TBC1D24: variants seen among roughly 807,000 people sequenced by gnomAD.
TBC1D24 encodes the protein Infantile myoclonic epilepsy.
A neutral mutation model predicts 50.7 loss-of-function variants in TBC1D24; 47 were observed. The ratio of observed to expected loss-of-function variants is 0.93; its 90% CI spans 0.73 to 1.18. The LOEUF (loss-of-function observed/expected upper bound fraction) is 1.18. Ranked by LOEUF, TBC1D24 falls within the 50% of genes most tolerant of loss-of-function variation. The pLI is 0.00. For missense variants in TBC1D24, 688 were observed against 766.5 expected, an observed-to-expected ratio of 0.90 and a Z score of 1.21; for synonymous variants, 324 against 335.2, an observed-to-expected ratio of 0.97 and a Z score of 0.36.
At chr16:2,491,253 T>G (rs1458297757) in intron 1 of TBC1D24, among the ~76,000 whole-genome samples, 1 of 152,250 alleles carries the variant, frequency 6.6e-6, no homozygotes, top group Non-Finnish European at 1.5e-5. Context: ...TACTCCCTAA[T>G]TTTGGTACTA....
chr16:2,495,177 A>C (rs1234974510), intron 1 of TBC1D24, among the ~76,000 whole-genome samples: 5 of 152,096 alleles, frequency 3.3e-5, no homozygotes, highest in Non-Finnish European at 7.4e-5. Context: ...ACATGGCAAA[A>C]TCTCGTCTCT....
In TBC1D24 at chr16:2,500,082, C is replaced by G; in HGVS notation, c.1302+152C>G. The G allele has an allele frequency of 4.2e-6, 4 of 947,224 alleles. No homozygotes were observed. The highest frequency in any genetic ancestry group is 6.7e-6 in the Non-Finnish European group (4 of 594,046). The allele number at this position is 947,224 out of a possible 1,614,324, so 58.7% of individuals were successfully genotyped here. A position where few individuals can be genotyped will look rare whatever the true frequency, so the allele number is the denominator to read the frequency against. ...CTGTGTGCTTCCGGGTTTGATCATT[C>G]AGCCGTGCGCTGCTCCGGGGCAGGG... On this transcript the variant is annotated intron_variant, in intron 6 of 7. Coordinates refer to ENST00000646147, the MANE Select transcript of TBC1D24 (RefSeq NM_001199107.2). The surrounding 1 kb of genome is among the most constrained non-coding windows in gnomAD (Gnocchi z 8.0).
intron 1 of TBC1D24, among the ~76,000 whole-genome samples, chr16:2,491,152 G>C (rs564778997): frequency 8.5e-4 from 129 of 152,296 alleles, no homozygotes; most frequent in Admixed American, 2.9e-3. Flanking sequence ...AAAAGGTTTG[G>C]CAGGATATAT....
At position 2,483,143 on chromosome 16, in the gene TBC1D24, G is replaced by T. The variant is rs1264753389; in HGVS notation, c.-116+7973G>T. The T allele has an allele frequency of 6.6e-6, 1 of 152,592 alleles. No homozygotes were observed. The highest frequency in any genetic ancestry group is 1.5e-5 in the Non-Finnish European group (1 of 68,332). 9.5% of individuals were successfully genotyped at this position (152,592 alleles called of 1,614,324 possible). On this transcript the variant is annotated intron_variant, in intron 1 of 7. Transcript: ENST00000646147. The surrounding 1 kb of genome is among the most constrained non-coding windows in gnomAD (Gnocchi z 4.0). ...CTGTGGTGGGAATGCAGAGAGCTGG[G>T]AAGCTCACGCCTGACAAGCCCCCTT...
At position 2,500,526 on chromosome 16, in the gene TBC1D24, GT is replaced by G. The variant is rs1290100559; in HGVS notation, c.1525+37del. 1 of 1,533,710 alleles carries G rather than the reference GT, an allele frequency of 6.5e-7. No homozygotes were observed. Among genetic ancestry groups the G allele is most frequent in the Admixed American group, 2.0e-5 (1 of 51,010 alleles). On this transcript the variant is annotated intron_variant, in intron 7 of 7. Transcript: ENST00000646147. This position sits in a 1 kb window ranked among gnomAD's most constrained non-coding sequence, Gnocchi z 8.0. ...GCAGACGGGGCTCTGGGATGAGGGT[GT>G]GGGGTCCGGGCAGCTGAAGCTGCTG...
intron 2 of TBC1D24, among the ~76,000 whole-genome samples, chr16:2,497,481 T>C (rs531435023): frequency 6.6e-6 from 1 of 152,244 alleles, no homozygotes; most frequent in African/African-American, 2.4e-5. Flanking sequence ...GGGCGTGGCC[T>C]CCCCGCCTGG....
chr16:2,497,765 C>T lies in TBC1D24; in HGVS notation c.983+38C>T, dbSNP rs779521083. The T allele has an allele frequency of 1.3e-5, 20 of 1,534,170 alleles. 1 individual carries two copies. The South Asian group carries it at 2.1e-4, about 16-fold the overall frequency. ...CTGTATCTGCACACCTGGCCTCTGT[C>T]TTTCCACCAGGCTGACTCTAGGCCA... is the stretch of plus-strand genomic sequence containing the variant. On this transcript the variant is annotated intron_variant, in intron 3 of 7. Coordinates refer to ENST00000646147, the MANE Select transcript of TBC1D24 (RefSeq NM_001199107.2).
Position 2,501,050 on chromosome 16 carries a change from G to A in TBC1D24, c.*92G>A. On this transcript the variant is annotated 3_prime_UTR_variant, in exon 8 of 8. Coordinates refer to ENST00000646147, the MANE Select transcript of TBC1D24 (RefSeq NM_001199107.2). ...AGCAGAGAGCAGATGAAACCCCCATGTGGTAGGCAGGGTTGGGGGACGGCA... is the reference window on the plus strand; with the variant it reads ...AGCAGAGAGCAGATGAAACCCCCATATGGTAGGCAGGGTTGGGGGACGGCA... The A allele has an allele frequency of 6.5e-7, 1 of 1,530,444 alleles. No individual in the cohort carries two copies. Among genetic ancestry groups the A allele is most frequent in the Non-Finnish European group, 8.9e-7 (1 of 1,128,822 alleles). 94.8% of individuals were successfully genotyped at this position (1,530,444 alleles called of 1,614,324 possible). A position where few individuals can be genotyped will look rare whatever the true frequency, so the allele number is the denominator to read the frequency against.
intron 1 of TBC1D24, chr16:2,478,023 C>T (rs1190353116): frequency 6.6e-6 from 1 of 152,316 alleles, no homozygotes; most frequent in Non-Finnish European, 1.5e-5. Flanking sequence ...AGTTTGAATT[C>T]ACCCTGAGTG....
intron 3 of TBC1D24, among the ~76,000 whole-genome samples, chr16:2,497,992 T>C (rs1440391490): frequency 5.3e-5 from 8 of 152,234 alleles, no homozygotes; most frequent in Non-Finnish European, 1.0e-4. Context: ...CCTGATTTCT[T>C]AGAGAAAAGT....
chr16:2,488,555 A>AGTGCAGT (rs1257197414), intron 1 of TBC1D24, among the ~76,000 whole-genome samples: 1 of 110,690 alleles, frequency 9.0e-6, no homozygotes, highest in Non-Finnish European at 1.6e-5. Context: ...GCCAGGCTGG[A>AGTGCAGT]GTGCAGTGTG....
rs2065747534 is a variant in TBC1D24, at chr16:2,496,905, A to G, written c.757A>G (p.Lys253Glu). Residue 253 changes from lysine (K) to glutamate (E), a missense_variant, in exon 2 of 8, where the codon AAG (lysine) becomes GAG (glutamate). Physicochemically the swap from Lys to Glu is moderately conservative, Grantham distance 56. Transcript: ENST00000646147. ...VALAILKFFHKVRAGQPLESD... is the reference protein window; with the variant it reads ...VALAILKFFHEVRAGQPLESD... ...GCTGGCCATCCTCAAGTTCTTCCAC[A>G]AGGTGAGGGCCGGGCAGCCGCTGGA... 6.2e-7 allele frequency: 1 copy of G among 1,614,042 alleles called. No individual in the cohort carries two copies. Among genetic ancestry groups the G allele is most frequent in the Non-Finnish European group, 8.5e-7 (1 of 1,180,022 alleles).
At position 2,504,782 on chromosome 16, in the gene TBC1D24, C is replaced by T. The variant is rs1391489219; in HGVS notation, c.*3824C>T. 6.6e-6 allele frequency: 1 copy of T among 152,020 alleles called. No individual in the cohort carries two copies. The highest frequency in any genetic ancestry group is 1.5e-5 in the Non-Finnish European group (1 of 68,012). 9.4% of individuals were successfully genotyped at this position (152,020 alleles called of 1,614,324 possible). Reference sequence around the variant, plus strand: ...TTTAATTTTTACAGTTGTTTACTTTCTCACATTTTTACTAAGTCCAGAATA... The same window carrying T: ...TTTAATTTTTACAGTTGTTTACTTTTTCACATTTTTACTAAGTCCAGAATA... On this transcript the variant is annotated 3_prime_UTR_variant, in exon 8 of 8. Transcript: ENST00000646147.
chr16:2,493,096 AAAAT>A (rs1403972137), intron 1 of TBC1D24, among the ~76,000 whole-genome samples: 7 of 151,846 alleles, frequency 4.6e-5, no homozygotes, highest in South Asian at 2.1e-4. Context: ...CTGTCTCAAA[AAAAT>A]AAATAAATAA....
intron 2 of TBC1D24, 140 bp downstream of exon 2, chr16:2,497,253 C>G: frequency 1.7e-6 from 2 of 1,161,548 alleles, no homozygotes; most frequent in Non-Finnish European, 2.5e-6. Context: ...GCTGAAAAGA[C>G]ACTGAAACAG....
chr16:2,489,092 G>T (rs1205806470), intron 1 of TBC1D24, among the ~76,000 whole-genome samples: 2 of 143,204 alleles, frequency 1.4e-5, no homozygotes, highest in African/African-American at 5.2e-5. Flanking sequence ...AAACAAGAAA[G>T]AAATATTTGC....
rs545928224 is a variant in TBC1D24, at chr16:2,486,542, C to G, written c.-115-9492C>G. ...GGTCAGGCCAGGGCAGGATGGGGCC[C>G]AGGCCTGCAACCCCAGCTCTTCAAC... On this transcript the variant is annotated intron_variant, in intron 1 of 7. Transcript: ENST00000646147. This position sits in a 1 kb window ranked among gnomAD's most constrained non-coding sequence, Gnocchi z 5.8. 6.6e-6 allele frequency among the ~76,000 whole-genome samples: 1 copy of G among 152,208 alleles called. No homozygotes were observed. The highest frequency in any genetic ancestry group is 1.5e-5 in the Non-Finnish European group (1 of 68,038).
chr16:2,499,761 C>A lies in TBC1D24; in HGVS notation c.1207-74C>A. The stretch of plus-strand genomic sequence containing the variant: ...ACCCCCACCTGTGACCTGGGACAGG[C>A]CCGTCAGTAGTCTGGAGCACAGGGA... On this transcript the variant is annotated intron_variant, in intron 5 of 7. Transcript: ENST00000646147. This position sits in a 1 kb window ranked among gnomAD's most constrained non-coding sequence, Gnocchi z 4.0. 3 of 1,321,366 alleles carry A rather than the reference C, an allele frequency of 2.3e-6. No individual in the cohort carries two copies. The highest frequency in any genetic ancestry group is 3.3e-6 in the Non-Finnish European group (3 of 913,316). The allele number at this position is 1,321,366 out of a possible 1,614,324, so 81.9% of individuals were successfully genotyped here.
At position 2,504,105 on chromosome 16, in the gene TBC1D24, C is replaced by T. The variant is rs184926956; in HGVS notation, c.*3147C>T. ...TTTTAATTTTTCTATTTTTGTAAGC[C>T]GCATACTTCATTTTTTGAGTTTTTC... On this transcript the variant is annotated 3_prime_UTR_variant, in exon 8 of 8. Transcript: ENST00000646147. 7.0e-4 allele frequency: 106 copies of T among 152,064 alleles called. No homozygotes were observed. The highest frequency in any genetic ancestry group is 2.4e-3 in the African/African-American group (100 of 41,460). The allele number at this position is 152,064 out of a possible 1,614,324, so 9.4% of individuals were successfully genotyped here.
Sources: allele counts gnomAD v4.1 joint callset (sites outside exome capture counted in the v4.1 genomes callset), GRCh38; gene constraint gnomAD v4.1.1; non-coding constraint Gnocchi (gnomAD v3.1); transcripts MANE v1.5; gene names NCBI Gene and HGNC (gene_info 2026-07-23, HGNC 2026-07-21).